The following ELAPOR1 variants were observed in gnomAD, a reference collection of about 807,000 sequenced individuals.
ELAPOR1 encodes the protein endosome-lysosome associated apoptosis and autophagy regulator 1.
Under a neutral mutation model 119.7 loss-of-function variants are expected in ELAPOR1, and 77 were observed. The observed-to-expected ratio is 0.64, with a 90% confidence interval of 0.54 to 0.78. The LOEUF (loss-of-function observed/expected upper bound fraction) is 0.78, where lower values mean the gene tolerates loss of function less well. Among genes scored for constraint, ELAPOR1 ranks in the 30% least tolerant of loss-of-function variants. The pLI is 0.00. For synonymous variants in ELAPOR1, 481 were observed against 487.2 expected (o/e 0.99, Z 0.17); for missense variants, 1,115 against 1,270.4 (o/e 0.88, Z 1.86).
intron 14 of ELAPOR1, among the ~76,000 whole-genome samples, chr1:109,193,466 G>A (rs561290079): frequency 7.9e-5 from 12 of 152,164 alleles, no homozygotes; most frequent in African/African-American, 2.7e-4. Flanking sequence ...GTAATGAGCC[G>A]TGATTGTGCC....
At chr1:109,143,065 T>G (rs2101002679) in intron 1 of ELAPOR1, among the ~76,000 whole-genome samples, 1 of 152,264 alleles carries the variant, frequency 6.6e-6, no homozygotes, top group South Asian at 2.1e-4. Flanking sequence ...TTCTCCTGCC[T>G]CAGCCTCCTG....
At chr1:109,177,733 C>T (rs2101074948) in intron 7 of ELAPOR1, among the ~76,000 whole-genome samples, 1 of 152,154 alleles carries the variant, frequency 6.6e-6, no homozygotes, top group Middle Eastern at 3.4e-3. Context: ...TTTTATTCCT[C>T]TTCCCCACTC....
At chr1:109,158,472 T>C (rs1651030058) in intron 1 of ELAPOR1, among the ~76,000 whole-genome samples, 1 of 152,102 alleles carries the variant, frequency 6.6e-6, no homozygotes, top group South Asian at 2.1e-4. Flanking sequence ...AGGGTTTTTT[T>C]CCTCTTCCTT....
intron 3 of ELAPOR1, 68 bp from the exon 4 acceptor site, chr1:109,171,798 C>T: frequency 1.3e-6 from 2 of 1,526,840 alleles, no homozygotes; most frequent in Middle Eastern, 4.1e-4. Flanking sequence ...GAACATGAGA[C>T]CTGCACATGG....
chr1:109,125,885 C>T (rs1310674574), intron 1 of ELAPOR1, among the ~76,000 whole-genome samples: 2 of 152,152 alleles, frequency 1.3e-5, no homozygotes, highest in Admixed American at 6.5e-5. Context: ...TAAAAATCCC[C>T]GTACATCATT....
intron 1 of ELAPOR1, among the ~76,000 whole-genome samples, chr1:109,122,356 TAAA>T (rs71069650): frequency 0.1 from 11,987 of 114,798 alleles, 742 homozygotes; most frequent in African/African-American, 0.2. Flanking sequence ...ACCTTTCCAT[TAAA>T]AAAAAAAAAA....
chr1:109,131,613 G>C (rs571860726), intron 1 of ELAPOR1, among the ~76,000 whole-genome samples: 6 of 152,254 alleles, frequency 3.9e-5, no homozygotes, highest in African/African-American at 1.4e-4. Context: ...TTGCCCTCGA[G>C]GGGTTTACAG....
chr1:109,157,012 C>A (rs865818220), intron 1 of ELAPOR1, among the ~76,000 whole-genome samples: 1 of 152,198 alleles, frequency 6.6e-6, no homozygotes, highest in Non-Finnish European at 1.5e-5. Context: ...GTTGAACCTC[C>A]AACAAGGTAC....
At chr1:109,173,365 A>C in intron 5 of ELAPOR1, 109 bp from the exon 6 acceptor site, 4 of 849,872 alleles carry the variant, frequency 4.7e-6, no homozygotes, top group Non-Finnish European at 7.7e-6. Flanking sequence ...GGTCAGAAGA[A>C]GCATTACCAT....
chr1:109,133,539 A>G (rs142454019), intron 1 of ELAPOR1, among the ~76,000 whole-genome samples: 3 of 152,350 alleles, frequency 2.0e-5, no homozygotes, highest in African/African-American at 7.2e-5. Context: ...TACTATGGTT[A>G]CTGAGACTGT....
chr1:109,161,176 C>G (rs1156396313), intron 1 of ELAPOR1, among the ~76,000 whole-genome samples: 13 of 152,014 alleles, frequency 8.6e-5, no homozygotes, highest in Admixed American at 2.0e-4. Context: ...TTTTGGGAGG[C>G]CAAGGCAGGT....
chr1:109,140,669 A>G (rs1019510007), intron 1 of ELAPOR1, among the ~76,000 whole-genome samples: 6 of 152,076 alleles, frequency 3.9e-5, no homozygotes, highest in Admixed American at 3.9e-4. Flanking sequence ...AAATAGATAG[A>G]TCTCAGGATT....
intron 1 of ELAPOR1, among the ~76,000 whole-genome samples, chr1:109,147,072 A>ATTTT (rs35132655): frequency 7.1e-6 from 1 of 141,254 alleles, no homozygotes; most frequent in African/African-American, 2.6e-5. Context: ...CGCCTGGCTA[A>ATTTT]TTTTTTTTTT....
At chr1:109,183,917 G>A (rs2101091715) in intron 7 of ELAPOR1, among the ~76,000 whole-genome samples, 1 of 152,034 alleles carries the variant, frequency 6.6e-6, no homozygotes, top group East Asian at 1.9e-4. Flanking sequence ...TTTTTCATTA[G>A]GTATAAATCA....
At chr1:109,194,967 G>A (rs1653692881) in intron 15 of ELAPOR1, among the ~76,000 whole-genome samples, 1 of 151,946 alleles carries the variant, frequency 6.6e-6, no homozygotes, top group Admixed American at 6.6e-5. Context: ...AAAATTAGCT[G>A]GGCGTGGTGG....
chr1:109,153,586 A>T (rs1650666715), intron 1 of ELAPOR1, among the ~76,000 whole-genome samples: 1 of 152,078 alleles, frequency 6.6e-6, no homozygotes, highest in African/African-American at 2.4e-5. Flanking sequence ...TGTTAAAAGT[A>T]GTTATCTCTG....
At chr1:109,192,290 C>T (rs1281670005) in intron 13 of ELAPOR1, among the ~76,000 whole-genome samples, 1 of 152,220 alleles carries the variant, frequency 6.6e-6, no homozygotes, top group Non-Finnish European at 1.5e-5. Flanking sequence ...ATCTCCTATA[C>T]ACTGTTTGTT....
chr1:109,188,373 C>G lies in ELAPOR1; in HGVS notation c.1219+19C>G. 6.3e-7 allele frequency: 1 copy of G among 1,598,414 alleles called. No individual in the cohort carries two copies. The highest frequency in any genetic ancestry group is 8.6e-7 in the Non-Finnish European group (1 of 1,168,164). On this transcript the variant is annotated intron_variant, in intron 9 of 21. Transcript: ENST00000369939. The stretch of plus-strand genomic sequence containing the variant: ...GGCTCAGGTAACCTCCTCACCACCC[C>G]ACTCTCTGCAGCACATCGACTGTGT...
intron 11 of ELAPOR1, among the ~76,000 whole-genome samples, chr1:109,190,529 C>T (rs185250539): frequency 7.5e-4 from 114 of 152,354 alleles, no homozygotes; most frequent in Admixed American, 2.0e-3. Flanking sequence ...CTGACACCTT[C>T]ATTTCCTTCT....
Sources: gnomAD v4.1 joint callset for allele counts (sites outside exome capture counted in the v4.1 genomes callset) on GRCh38, gnomAD v4.1.1 for gene constraint, MANE v1.5 for transcripts, NCBI Gene and HGNC (gene_info 2026-07-23, HGNC 2026-07-21) for gene names.